DISP1: variants seen among roughly 807,000 people sequenced by gnomAD.
DISP1 encodes dispatched RND transporter family member 1.
Under a neutral mutation model 37.3 loss-of-function variants are expected in DISP1, and 30 were observed. That is an observed-to-expected ratio of 0.80 (90% CI 0.60 to 1.09). The LOEUF is 1.09. Ranked by LOEUF, DISP1 falls within the 50% of genes least tolerant of loss-of-function variation. The pLI is 0.00. For synonymous variants in DISP1, 634 were observed against 690.2 expected (o/e 0.92, Z 1.28); for missense variants, 1,598 against 1,879.5 (o/e 0.85, Z 2.77).
intron 1 of DISP1, among the ~76,000 whole-genome samples, chr1:222,838,358 G>A (rs1034743691): frequency 6.6e-6 from 1 of 151,764 alleles, no homozygotes; most frequent in African/African-American, 2.4e-5. Flanking sequence ...AATTTCTTTT[G>A]TCTAATATTC....
intron 3 of DISP1, among the ~76,000 whole-genome samples, chr1:222,950,297 ATTT>A (rs1675112605): frequency 6.6e-6 from 1 of 152,096 alleles, no homozygotes; most frequent in African/African-American, 2.4e-5. Flanking sequence ...GCTTTAAAAT[ATTT>A]CTTAAAACAT....
At chr1:222,964,097 G>A (rs895714772) in intron 3 of DISP1, among the ~76,000 whole-genome samples, 4 of 151,746 alleles carry the variant, frequency 2.6e-5, no homozygotes, top group African/African-American at 9.7e-5. Flanking sequence ...TCAGGAGTTC[G>A]AGACCATCCT....
intron 7 of DISP1, 41 bp downstream of exon 7, chr1:222,992,151 C>T (rs200239314): frequency 9.0e-5 from 132 of 1,472,552 alleles, no homozygotes; most frequent in Middle Eastern, 5.1e-4. Flanking sequence ...CAGCAGTTTG[C>T]TCGCATTTAA....
chr1:222,999,897 C>T (rs1679317881), intron 8 of DISP1, among the ~76,000 whole-genome samples: 1 of 152,156 alleles, frequency 6.6e-6, no homozygotes, highest in Non-Finnish European at 1.5e-5. Context: ...TCAATCAGTA[C>T]CATCTTTGAA....
At chr1:222,887,486 G>GTTTTTTTTTTTTTTTTT (rs940346379) in intron 1 of DISP1, among the ~76,000 whole-genome samples, 22 of 83,098 alleles carry the variant, frequency 2.6e-4, no homozygotes, top group South Asian at 4.5e-4. Context: ...CATTGTTTTT[G>GTTTTTTTTTTTTTTTTT]TTTTTTTTTT....
At chr1:222,912,686 T>C (rs1268981460) in intron 1 of DISP1, among the ~76,000 whole-genome samples, 1 of 152,220 alleles carries the variant, frequency 6.6e-6, no homozygotes, top group Non-Finnish European at 1.5e-5. Flanking sequence ...TTAAAGGTTA[T>C]AGTGAGTTGA....
At chr1:222,944,333 A>G (rs1317077024) in intron 3 of DISP1, among the ~76,000 whole-genome samples, 1 of 152,088 alleles carries the variant, frequency 6.6e-6, no homozygotes, top group Non-Finnish European at 1.5e-5. Flanking sequence ...ATTTTCAGCT[A>G]TTTTTTCCAT....
chr1:222,879,970 C>T (rs1320114692), intron 1 of DISP1, among the ~76,000 whole-genome samples: 1 of 151,724 alleles, frequency 6.6e-6, no homozygotes, highest in African/African-American at 2.4e-5. Flanking sequence ...TCCACTTTGA[C>T]GACTCTTGAG....
At chr1:222,957,141 A>C (rs2102570466) in intron 3 of DISP1, among the ~76,000 whole-genome samples, 1 of 89,084 alleles carries the variant, frequency 1.1e-5, no homozygotes, top group Non-Finnish European at 2.2e-5. Flanking sequence ...TTTCTTTACT[A>C]TTGTAAAAAA....
At chr1:222,853,559 T>TA (rs1047690109) in intron 1 of DISP1, among the ~76,000 whole-genome samples, 29 of 152,182 alleles carry the variant, frequency 1.9e-4, no homozygotes, top group African/African-American at 6.7e-4. Flanking sequence ...TATTTGGCCG[T>TA]AAAAAAACCA....
At chr1:222,903,713 A>G (rs1338493727) in intron 1 of DISP1, among the ~76,000 whole-genome samples, 1 of 152,182 alleles carries the variant, frequency 6.6e-6, no homozygotes. Flanking sequence ...ACCTTAATCT[A>G]CACTATGTAA....
Position 222,990,686 on chromosome 1 carries a change from G to A in DISP1, c.601G>A (p.Val201Ile), listed in dbSNP as rs772344845. The A allele has an allele frequency of 3.0e-5, 48 of 1,614,112 alleles. No homozygotes were observed. The highest frequency in any genetic ancestry group is 1.5e-4 in the South Asian group (14 of 91,082). Residue 201 changes from valine to isoleucine, a missense_variant, in exon 5 of 9, where the codon GTA becomes ATA. Transcript: ENST00000675850. Reference sequence around the variant, plus strand: ...CTTGGGCATGTGCACCATGTTCATCGTAGTCTGTGCCTTGGTTGGAGTATT... The same window carrying A: ...CTTGGGCATGTGCACCATGTTCATCATAGTCTGTGCCTTGGTTGGAGTATT... ...VVLGMCTMFI[V>I]VCALVGVLVP... is the part of the protein sequence containing the mutation.
At chr1:222,870,432 C>G (rs2125342722) in intron 1 of DISP1, among the ~76,000 whole-genome samples, 1 of 152,216 alleles carries the variant, frequency 6.6e-6, no homozygotes, top group East Asian at 1.9e-4. Flanking sequence ...CCTATTTCTC[C>G]ACATCCTCTC....
chr1:222,990,339 T>C (rs565535947), intron 4 of DISP1, among the ~76,000 whole-genome samples: 1 of 152,340 alleles, frequency 6.6e-6, no homozygotes, highest in East Asian at 1.9e-4. Flanking sequence ...ACTTGTCATA[T>C]ATGAACATTA....
chr1:222,964,009 G>T (rs1323736106), intron 3 of DISP1, among the ~76,000 whole-genome samples: 2 of 151,948 alleles, frequency 1.3e-5, no homozygotes, highest in Non-Finnish European at 1.5e-5. Flanking sequence ...AAATTATCTT[G>T]ATCCTTAATT....
chr1:222,901,300 A>G lies in DISP1; in HGVS notation c.-158-27130A>G, dbSNP rs180942042. Among the ~76,000 whole-genome samples, 131 of 152,292 alleles carry G rather than the reference A, an allele frequency of 8.6e-4. 3 individuals carry two copies. Among genetic ancestry groups the G allele is most frequent in the Admixed American group, 8.6e-3 (131 of 15,280 alleles). On this transcript the variant is annotated intron_variant, in intron 1 of 8. Coordinates refer to ENST00000675850, the MANE Select transcript of DISP1 (RefSeq NM_001377229.1). Reference sequence around the variant, plus strand: ...TATGAAATAGATATCTGAAAGAAAAAGAGAAAGTATTAACAGTGACTAGAG... The same window carrying G: ...TATGAAATAGATATCTGAAAGAAAAGGAGAAAGTATTAACAGTGACTAGAG...
chr1:222,830,962 T>C (rs757637718), intron 1 of DISP1: 2 of 152,208 alleles, frequency 1.3e-5, no homozygotes, highest in Non-Finnish European at 2.9e-5. Context: ...CCTTAAAGAA[T>C]GGTATCTAAA....
intron 8 of DISP1, among the ~76,000 whole-genome samples, chr1:223,001,384 G>T (rs746027058): frequency 6.6e-6 from 1 of 152,252 alleles, no homozygotes; most frequent in Admixed American, 6.5e-5. Context: ...TTAAAAATCA[G>T]ATATCAATCA....
intron 1 of DISP1, among the ~76,000 whole-genome samples, chr1:222,824,394 C>T (rs1317626361): frequency 6.6e-6 from 1 of 152,024 alleles, no homozygotes; most frequent in Non-Finnish European, 1.5e-5. Context: ...CTTGTGCTAC[C>T]TGTAAATGGT....
Sources: gnomAD v4.1 joint callset for allele counts (sites outside exome capture counted in the v4.1 genomes callset) on GRCh38, gnomAD v4.1.1 for gene constraint, MANE v1.5 for transcripts, NCBI Gene and HGNC (gene_info 2026-07-23, HGNC 2026-07-21) for gene names.